KCTD13: variants seen among roughly 807,000 people sequenced by gnomAD.
KCTD13 encodes the protein potassium channel tetramerization domain containing 13, also known as BTB/POZ domain-containing adapter for CUL3-mediated RhoA degradation protein 1.
KCTD13 carries 15 observed loss-of-function variants against 32.3 expected under a neutral mutation model. The observed-to-expected ratio is 0.46, with a 90% CI of 0.31 to 0.71. The LOEUF is 0.71. Ranked by LOEUF, KCTD13 falls within the 30% of genes least tolerant of loss-of-function variation. The probability of loss-of-function intolerance (pLI) is 0.05; values close to 1 mark genes in which losing one functional copy is unlikely to be tolerated. For synonymous variants in KCTD13, 189 were observed against 200.1 expected, an observed-to-expected ratio of 0.94 and a Z score of 0.47; for missense variants, 337 against 452.6, an observed-to-expected ratio of 0.74 and a Z score of 2.32.
intron 2 of KCTD13, 186 bp from the exon 3 acceptor site, chr16:29,912,235 A>T: frequency 3.2e-6 from 2 of 622,242 alleles, no homozygotes; most frequent in Non-Finnish European, 5.6e-6. Flanking sequence ...GGTCCCACGG[A>T]CACCTTGCTG....
Position 29,924,206 on chromosome 16 carries a change from A to G in KCTD13, c.245-847T>C, listed in dbSNP as rs534099126. 3.0e-3 allele frequency among the ~76,000 whole-genome samples: 456 copies of G among 152,064 alleles called. 4 individuals carry two copies. The highest frequency in any genetic ancestry group is 0.01 in the African/African-American group (435 of 41,460). On this transcript the variant is annotated intron_variant, in intron 1 of 5. Transcript: ENST00000568000. ...AAAGAAAAGAAAAGAAAAGAAAAGA[A>G]AAAGGATTCCAAAGCCACAAAAAAG...
Position 29,908,284 on chromosome 16 carries a change from G to C in KCTD13, c.754-1176C>G, listed in dbSNP as rs539168647. On this transcript the variant is annotated intron_variant, in intron 5 of 5. Coordinates refer to ENST00000568000, the MANE Select transcript of KCTD13 (RefSeq NM_178863.5). Reference sequence around the variant, plus strand: ...ATTGAGGCAGAGATGAGAGGGAATGGAAAGGGATGAAGTCGAAGAGGTGAC... The same window carrying C: ...ATTGAGGCAGAGATGAGAGGGAATGCAAAGGGATGAAGTCGAAGAGGTGAC... Among the ~76,000 whole-genome samples the C allele has an allele frequency of 2.4e-3, 359 of 152,300 alleles. 2 individuals carry two copies. The highest frequency in any genetic ancestry group is 8.4e-3 in the African/African-American group (348 of 41,566).
intron 2 of KCTD13, among the ~76,000 whole-genome samples, chr16:29,916,897 G>A (rs1033943121): frequency 9.9e-5 from 15 of 152,254 alleles, no homozygotes; most frequent in South Asian, 2.1e-4. Flanking sequence ...CCACTATGGC[G>A]GGGAGTCTGT....
In KCTD13 at chr16:29,911,620, A is replaced by G. The variant is rs556809341; in HGVS notation, c.557+195T>C. 42 of 614,632 alleles carry G rather than the reference A, an allele frequency of 6.8e-5. No homozygotes were observed. In the African/African-American group the frequency reaches 7.5e-4, roughly 11 times the overall value. 38.1% of individuals were successfully genotyped at this position (614,632 alleles called of 1,614,324 possible). A position where few individuals can be genotyped will look rare whatever the true frequency, so the allele number is the denominator to read the frequency against. On this transcript the variant is annotated intron_variant, in intron 4 of 5. Coordinates refer to ENST00000568000, the MANE Select transcript of KCTD13 (RefSeq NM_178863.5). Reference sequence around the variant, plus strand: ...ACTTTGTCCTCACCCAAACCCATTTACTGATGACTGAGCTGAAGCTGAGAA... The same window carrying G: ...ACTTTGTCCTCACCCAAACCCATTTGCTGATGACTGAGCTGAAGCTGAGAA...
intron 1 of KCTD13, 78 bp downstream of exon 1, chr16:29,925,712 G>A: frequency 8.4e-6 from 12 of 1,436,992 alleles, no homozygotes; most frequent in African/African-American, 4.2e-5. Flanking sequence ...GGGGCATGAG[G>A]AGCCCCGGTG....
intron 3 of KCTD13, 44 bp downstream of exon 3, chr16:29,911,916 G>GC (rs763162309): frequency 3.3e-5 from 53 of 1,608,248 alleles, no homozygotes; most frequent in Admixed American, 1.5e-4. Context: ...GCAGGGAGAG[G>GC]CCCCCCCAGT....
At chr16:29,922,743 C>G (rs1287347934) in intron 2 of KCTD13, 2 of 380,166 alleles carry the variant, frequency 5.3e-6, no homozygotes, top group Non-Finnish European at 4.6e-6. Context: ...TTAGAAAGCT[C>G]CTGGGGGGCG....
intron 1 of KCTD13, among the ~76,000 whole-genome samples, chr16:29,924,800 C>A (rs2150847313): frequency 6.6e-6 from 1 of 150,682 alleles, no homozygotes; most frequent in South Asian, 2.1e-4. Flanking sequence ...CTCACTGCAA[C>A]CTCCGCCTCC....
rs201647947 is a variant in KCTD13, at chr16:29,910,415, T to TA, written c.753+562dup. ...CCATCTCAAATAATAATAATAATAA[T>TA]AATAAATAAATAAATTACTGGGCTC... On this transcript the variant is annotated intron_variant, in intron 5 of 5. Transcript: ENST00000568000. 2.3e-3 allele frequency among the ~76,000 whole-genome samples: 350 copies of TA among 149,434 alleles called. 1 individual carries two copies. The highest frequency in any genetic ancestry group is 7.9e-3 in the African/African-American group (311 of 39,270).
intron 2 of KCTD13, chr16:29,919,457 T>A (rs769276140): frequency 6.6e-6 from 1 of 152,234 alleles, no homozygotes; most frequent in Non-Finnish European, 1.5e-5. Context: ...AGAATACCTA[T>A]AACTCTTATC....
At chr16:29,909,430 T>C (rs1477668052) in intron 5 of KCTD13, among the ~76,000 whole-genome samples, 2 of 152,202 alleles carry the variant, frequency 1.3e-5, no homozygotes, top group African/African-American at 4.8e-5. Flanking sequence ...TTGTGATGAC[T>C]GTGGTGTACC....
intron 2 of KCTD13, chr16:29,922,891 G>A (rs991851822): frequency 9.0e-6 from 4 of 442,802 alleles, no homozygotes; most frequent in Admixed American, 3.9e-5. Flanking sequence ...AGAATAGATC[G>A]GGGTTGTGCT....
chr16:29,917,076 G>C (rs2068823039), intron 2 of KCTD13, among the ~76,000 whole-genome samples: 1 of 152,162 alleles, frequency 6.6e-6, no homozygotes, highest in African/African-American at 2.4e-5. Flanking sequence ...TTTCTGCAAT[G>C]TCCTATTGGT....
chr16:29,910,096 TA>T (rs529199170), intron 5 of KCTD13, among the ~76,000 whole-genome samples: 366 of 110,426 alleles, frequency 3.3e-3, no homozygotes, highest in Middle Eastern at 5.2e-3. Context: ...AGACTCTGTC[TA>T]AAAAAAAAAA....
chr16:29,910,339 G>A (rs138123505), intron 5 of KCTD13, among the ~76,000 whole-genome samples: 2,707 of 151,936 alleles, frequency 0.018, 83 homozygotes, highest in African/African-American at 0.061. Flanking sequence ...TAGAGGTTGC[G>A]GTGAGCGGAG....
Position 29,923,377 on chromosome 16 carries a change from G to C in KCTD13, c.245-18C>G. 6.2e-7 allele frequency: 1 copy of C among 1,608,730 alleles called. No homozygotes were observed. The highest frequency in any genetic ancestry group is 1.1e-5 in the South Asian group (1 of 90,594). On this transcript the variant is annotated intron_variant, in intron 1 of 5. Transcript: ENST00000568000. ...CACCCAACCTAGTGGGGTGGGGAGA[G>C]GCAGGGGGAAAGATGGCTTTGCTGC...
chr16:29,907,676 T>C (rs1193851837), intron 5 of KCTD13, among the ~76,000 whole-genome samples: 1 of 151,952 alleles, frequency 6.6e-6, no homozygotes, highest in Non-Finnish European at 1.5e-5. Flanking sequence ...TGTTCCCAGC[T>C]ACTCGGGAGA....
chr16:29,922,145 A>G (rs2068925187), intron 2 of KCTD13: 1 of 152,120 alleles, frequency 6.6e-6, no homozygotes, highest in African/African-American at 2.4e-5. Context: ...TTTTTATAGA[A>G]CTGTTATTTC....
Position 29,912,063 on chromosome 16 carries a change from G to A in KCTD13, c.415-14C>T, listed in dbSNP as rs376391098. The A allele has an allele frequency of 6.4e-5, 101 of 1,577,476 alleles. 1 individual carries two copies. The highest frequency in any genetic ancestry group is 5.5e-4 in the South Asian group (48 of 87,594). ...CTCCCTTTTTTGCTGGGGAAGAAGCGGAAGGTGGTTAACAGCACAACCAAA... is the reference window on the plus strand; with the variant it reads ...CTCCCTTTTTTGCTGGGGAAGAAGCAGAAGGTGGTTAACAGCACAACCAAA... On this transcript the variant is annotated splice_polypyrimidine_tract_variant and intron_variant, in intron 2 of 5. Coordinates refer to ENST00000568000, the MANE Select transcript of KCTD13 (RefSeq NM_178863.5).
Sources: gnomAD v4.1 joint callset for allele counts (sites outside exome capture counted in the v4.1 genomes callset) on GRCh38, gnomAD v4.1.1 for gene constraint, MANE v1.5 for transcripts, NCBI Gene and HGNC (gene_info 2026-07-23, HGNC 2026-07-21) for gene names.